Variants in CCDC7 observed in about 807,000 individuals in gnomAD.
The protein encoded by CCDC7 is coiled-coil domain-containing protein 7.
CCDC7 carries 183 observed loss-of-function variants against 196.9 expected under a neutral mutation model. The observed-to-expected ratio is 0.93, with a 90% CI of 0.82 to 1.05. CCDC7 has a LOEUF of 1.05. Ranked by LOEUF, CCDC7 falls within the 50% of genes least tolerant of loss-of-function variation. CCDC7 has a pLI of 0.00. For missense variants in CCDC7, 1,540 were observed against 1,482.2 expected (o/e 1.04, Z -0.64); for synonymous variants, 525 against 484.6 (o/e 1.08, Z -1.10).
intron 32 of CCDC7, among the ~76,000 whole-genome samples, chr10:32,831,481 T>C (rs2092161725): frequency 6.6e-6 from 1 of 152,240 alleles, no homozygotes. Context: ...CTTTTATTTT[T>C]TTAATTTTTG....
At chr10:32,858,948 G>C (rs1270677410) in intron 41 of CCDC7, among the ~76,000 whole-genome samples, 1 of 152,140 alleles carries the variant, frequency 6.6e-6, no homozygotes, top group Non-Finnish European at 1.5e-5. Context: ...AAGAGACTTA[G>C]ACTCCCACAC....
At chr10:32,802,083 A>G (rs890495104) in intron 29 of CCDC7, among the ~76,000 whole-genome samples, 17 of 152,274 alleles carry the variant, frequency 1.1e-4, no homozygotes, top group African/African-American at 4.1e-4. Context: ...CTGATTTTCC[A>G]CAATTTCAGC....
At chr10:32,847,838 G>A in exon 38 of CCDC7, 1 of 1,605,940 alleles carries the variant, frequency 6.2e-7, no homozygotes. Context: ...TATAGAGACT[G>A]ATGTAGAACC....
At chr10:32,584,350 A>G (rs1463872976) in intron 18 of CCDC7, 46 bp downstream of exon 19, 12 of 1,185,958 alleles carry the variant, frequency 1.0e-5, no homozygotes, top group South Asian at 4.4e-5. Context: ...TTGAATGATT[A>G]TGTGTTTCCA....
At chr10:32,843,755 G>A (rs1424750869) in intron 33 of CCDC7, among the ~76,000 whole-genome samples, 4 of 151,920 alleles carry the variant, frequency 2.6e-5, no homozygotes, top group African/African-American at 9.7e-5. Context: ...CTTCTTATGT[G>A]TGCTAGTTGG....
At chr10:32,563,382 C>T (rs2056142865) in intron 13 of CCDC7, among the ~76,000 whole-genome samples, 1 of 152,204 alleles carries the variant, frequency 6.6e-6, no homozygotes, top group Non-Finnish European at 1.5e-5. Context: ...AGGCATCATG[C>T]TACGTGACTT....
chr10:32,879,430 G>A (rs373641834), downstream of CCDC7, among the ~76,000 whole-genome samples: 22 of 152,024 alleles, frequency 1.4e-4, 1 homozygote, highest in Non-Finnish European at 2.9e-4. Context: ...TGCTCGGGGC[G>A]ATGTGCATGT....
At chr10:32,511,972 G>A in intron 9 of CCDC7, 1 of 506,244 alleles carries the variant, frequency 2.0e-6, no homozygotes, top group Non-Finnish European at 3.5e-6. Flanking sequence ...TATAGTAGCA[G>A]GATAGGACAA....
chr10:32,639,697 G>T (rs570497864), intron 20 of CCDC7, among the ~76,000 whole-genome samples: 1 of 149,106 alleles, frequency 6.7e-6, no homozygotes, highest in Non-Finnish European at 1.5e-5. Flanking sequence ...GCACGATCTC[G>T]GCTCACTTCA....
chr10:32,698,906 A>C (rs996104978), intron 24 of CCDC7, among the ~76,000 whole-genome samples: 1 of 152,198 alleles, frequency 6.6e-6, no homozygotes, highest in African/African-American at 2.4e-5. Flanking sequence ...TAATTGTCAG[A>C]TTCACCAAGG....
intron 11 of CCDC7, among the ~76,000 whole-genome samples, chr10:32,537,007 G>A (rs979404407): frequency 2.6e-5 from 4 of 152,020 alleles, no homozygotes; most frequent in African/African-American, 9.7e-5. Flanking sequence ...ATTCCTTTGG[G>A]TATATACCCA....
chr10:32,634,062 A>G (rs2065262155), intron 18 of CCDC7, among the ~76,000 whole-genome samples, 192 bp from the exon 20 acceptor site: 1 of 152,064 alleles, frequency 6.6e-6, no homozygotes, highest in African/African-American at 2.4e-5. Context: ...CCTGGAAATA[A>G]TGAAACAGCA....
At chr10:32,685,005 T>A (rs534742063) in intron 21 of CCDC7, among the ~76,000 whole-genome samples, 12 of 152,016 alleles carry the variant, frequency 7.9e-5, no homozygotes, top group Admixed American at 7.9e-4. Context: ...ATTCCAAAAG[T>A]AAAAAATATG....
chr10:32,470,986 A>T, intron 5 of CCDC7, 78 bp from the exon 7 acceptor site: 1 of 1,316,142 alleles, frequency 7.6e-7, no homozygotes, highest in Non-Finnish European at 1.0e-6. Flanking sequence ...GATTTAATAA[A>T]GGAGATAATG....
intron 24 of CCDC7, among the ~76,000 whole-genome samples, chr10:32,708,542 G>A (rs552968801): frequency 1.5e-4 from 23 of 152,260 alleles, no homozygotes; most frequent in Admixed American, 4.6e-4. Context: ...GCAACCTACA[G>A]AATGGGAGAA....
chr10:32,711,136 A>G (rs1387845731), intron 24 of CCDC7, among the ~76,000 whole-genome samples: 1 of 144,260 alleles, frequency 6.9e-6, no homozygotes, highest in Admixed American at 7.1e-5. Context: ...GTATATATAT[A>G]TAAATATATA....
intron 25 of CCDC7, among the ~76,000 whole-genome samples, chr10:32,723,969 T>C (rs1459564037): frequency 6.6e-6 from 1 of 151,948 alleles, no homozygotes; most frequent in African/African-American, 2.4e-5. Flanking sequence ...GCCTCCGAGA[T>C]TGTATTACTA....
Position 32,694,869 on chromosome 10 carries a change from C to A in CCDC7, c.2345-10C>A. 6.4e-7 allele frequency: 1 copy of A among 1,553,344 alleles called. No homozygotes were observed. Among genetic ancestry groups the A allele is most frequent in the Non-Finnish European group, 8.8e-7 (1 of 1,137,208 alleles). ...TTCCATTAAGAGACTAAATGCATCT[C>A]CTTATGTAGCTCATGATGAAGAACC... On this transcript the variant is annotated splice_polypyrimidine_tract_variant and intron_variant, in intron 23 of 41. Coordinates refer to ENST00000639629, the Ensembl canonical transcript of CCDC7.
intron 32 of CCDC7, among the ~76,000 whole-genome samples, chr10:32,829,766 G>A (rs1408369214): frequency 6.6e-6 from 1 of 151,980 alleles, no homozygotes; most frequent in East Asian, 1.9e-4. Context: ...TTGATTATGG[G>A]TGTGTCTGTG....
Sources: gnomAD v4.1 joint callset for allele counts (sites outside exome capture counted in the v4.1 genomes callset) on GRCh38, gnomAD v4.1.1 for gene constraint, MANE v1.5 for transcripts, NCBI Gene and HGNC (gene_info 2026-07-23, HGNC 2026-07-21) for gene names.